RARB: variants seen among roughly 807,000 people sequenced by gnomAD.
The protein encoded by RARB is HBV-activated protein.
Under a neutral mutation model 51.9 loss-of-function variants are expected in RARB, and 17 were observed. The ratio of observed to expected loss-of-function variants is 0.33; its 90% CI spans 0.22 to 0.49. The LOEUF (loss-of-function observed/expected upper bound fraction) is 0.49, where lower values mean the gene tolerates loss of function less well. Among genes scored for constraint, RARB ranks in the 20% least tolerant of loss-of-function variants. The pLI, the probability that RARB is intolerant of heterozygous loss-of-function variation, is 0.99. For missense variants in RARB, 369 were observed against 550.8 expected (o/e 0.67, Z 3.30); for synonymous variants, 215 against 195.4 (o/e 1.10, Z -0.84).
intron 1 of RARB, among the ~76,000 whole-genome samples, chr3:24,858,369 C>CT (rs1453563736): frequency 6.6e-6 from 1 of 152,104 alleles, no homozygotes; most frequent in African/African-American, 2.4e-5. Context: ...TGTGTGAATT[C>CT]TTTTGCATTT....
At chr3:25,380,802 T>C (rs902509119) in intron 5 of RARB, among the ~76,000 whole-genome samples, 1 of 152,194 alleles carries the variant, frequency 6.6e-6, no homozygotes, top group African/African-American at 2.4e-5. Flanking sequence ...CCTCTTCTCA[T>C]GTCCTCTATT....
At chr3:25,345,700 T>G (rs921268464) in intron 5 of RARB, among the ~76,000 whole-genome samples, 3 of 150,388 alleles carry the variant, frequency 2.0e-5, no homozygotes, top group African/African-American at 7.4e-5. Context: ...ATCAAAGGAC[T>G]AAATTTAAGT....
Position 25,106,453 on chromosome 3 carries a change from T to TTG in RARB, c.-327-25707_-327-25706insGT, listed in dbSNP as rs762205553. 1.2e-3 allele frequency among the ~76,000 whole-genome samples: 107 copies of TTG among 87,360 alleles called. 5 individuals are homozygous for TTG. Among genetic ancestry groups the TTG allele is most frequent in the Middle Eastern group, 0.011 (2 of 182 alleles). 57.3% of individuals were successfully genotyped at this position (87,360 alleles called of 152,430 possible). ...ACCATGCCCAGCTACTGTTTTTTGT[T>TTG]TTTTGTTTTTTTTTGTTTTGTTTTT... On this transcript the variant is annotated intron_variant, in intron 3 of 11. Coordinates refer to the RARB transcript ENST00000383772.
intron 3 of RARB, among the ~76,000 whole-genome samples, chr3:25,554,141 AG>A (rs1699954858): frequency 6.6e-6 from 1 of 150,630 alleles, no homozygotes; most frequent in East Asian, 1.9e-4. Context: ...GGATTTCCCG[AG>A]AGAAAGTATC....
chr3:24,850,231 C>T (rs1333616846), intron 1 of RARB, among the ~76,000 whole-genome samples: 2 of 152,186 alleles, frequency 1.3e-5, no homozygotes, highest in East Asian at 3.8e-4. Flanking sequence ...TAAGTTTCCA[C>T]CACATGAATT....
chr3:25,337,809 G>C (rs1014497711), intron 5 of RARB, among the ~76,000 whole-genome samples: 1 of 151,824 alleles, frequency 6.6e-6, no homozygotes, highest in Non-Finnish European at 1.5e-5. Context: ...AGGAGTATAC[G>C]TTTCTTGTTT....
chr3:25,290,221 A>G (rs557227270), intron 5 of RARB, among the ~76,000 whole-genome samples: 6 of 152,336 alleles, frequency 3.9e-5, no homozygotes, highest in Admixed American at 1.3e-4. Context: ...ACGTTTGGAA[A>G]TATGGTCTTT....
intron 5 of RARB, among the ~76,000 whole-genome samples, chr3:25,327,920 C>T (rs1041993182): frequency 6.6e-6 from 1 of 152,148 alleles, no homozygotes; most frequent in African/African-American, 2.4e-5. Context: ...CAACTATCGA[C>T]TTGCAGAAAA....
intron 2 of RARB, among the ~76,000 whole-genome samples, chr3:25,047,853 C>A (rs1257687582): frequency 6.6e-6 from 1 of 152,146 alleles, no homozygotes; most frequent in Admixed American, 6.5e-5. Context: ...TGTGTCCCCA[C>A]CCAAATCTCA....
chr3:25,408,670 G>A (rs192719367), intron 5 of RARB, among the ~76,000 whole-genome samples: 1 of 152,280 alleles, frequency 6.6e-6, no homozygotes, highest in African/African-American at 2.4e-5. Flanking sequence ...GCTAAGGGAA[G>A]ACTTCCCTGG....
At chr3:24,878,897 C>G (rs1703102273) in intron 2 of RARB, among the ~76,000 whole-genome samples, 1 of 152,064 alleles carries the variant, frequency 6.6e-6, no homozygotes, top group South Asian at 2.1e-4. Flanking sequence ...TATTTTATTT[C>G]ATTTTTATTT....
At chr3:25,329,096 G>A (rs916944602) in intron 5 of RARB, among the ~76,000 whole-genome samples, 6 of 152,182 alleles carry the variant, frequency 3.9e-5, no homozygotes, top group African/African-American at 7.2e-5. Flanking sequence ...CACCTCTCAG[G>A]GCAGGGCATA....
intron 5 of RARB, among the ~76,000 whole-genome samples, chr3:25,188,558 T>G (rs191120697): frequency 6.6e-6 from 1 of 152,148 alleles, no homozygotes; most frequent in African/African-American, 2.4e-5. Context: ...AGGAGGTATT[T>G]TGGAGTAGAA....
At chr3:25,006,694 A>T (rs4858138) in intron 2 of RARB, among the ~76,000 whole-genome samples, 76,594 of 151,944 alleles carry the variant, frequency 0.5, 20,258 homozygotes, top group East Asian at 0.64. Flanking sequence ...GTTATAAATC[A>T]CAGGCAATTA....
At chr3:24,993,707 T>C (rs1209859062) in intron 2 of RARB, among the ~76,000 whole-genome samples, 1 of 152,158 alleles carries the variant, frequency 6.6e-6, no homozygotes, top group African/African-American at 2.4e-5. Flanking sequence ...GTTCTACTTT[T>C]TACATCTATG....
chr3:25,456,817 A>G (rs1027400565), intron 1 of RARB, among the ~76,000 whole-genome samples: 3 of 150,326 alleles, frequency 2.0e-5, no homozygotes, highest in African/African-American at 7.3e-5. Flanking sequence ...TTTTTGTGGC[A>G]TTTGTAGCAT....
At chr3:25,009,653 T>A (rs982172493) in intron 2 of RARB, among the ~76,000 whole-genome samples, 1 of 152,106 alleles carries the variant, frequency 6.6e-6, no homozygotes, top group African/African-American at 2.4e-5. Context: ...TTTCACCCTC[T>A]GAGTCTCCAA....
chr3:24,965,495 C>T (rs1226689277), intron 2 of RARB, among the ~76,000 whole-genome samples: 3 of 152,114 alleles, frequency 2.0e-5, no homozygotes, highest in Non-Finnish European at 4.4e-5. Flanking sequence ...CCATGGTTTT[C>T]ATCATGGAGA....
At chr3:24,905,167 G>A (rs1191645211) in intron 2 of RARB, among the ~76,000 whole-genome samples, 3 of 152,050 alleles carry the variant, frequency 2.0e-5, no homozygotes, top group South Asian at 2.1e-4. Flanking sequence ...TTTACCACAG[G>A]GCTATAGAAG....
Sources: gnomAD v4.1 joint callset for allele counts (sites outside exome capture counted in the v4.1 genomes callset) on GRCh38, gnomAD v4.1.1 for gene constraint, MANE v1.5 for transcripts, NCBI Gene and HGNC (gene_info 2026-07-23, HGNC 2026-07-21) for gene names.